Variants in CTNNBL1 observed in about 807,000 individuals in gnomAD.
The protein encoded by CTNNBL1 is beta-catenin-like protein 1.
In CTNNBL1, 31 loss-of-function variants were observed where a neutral mutation model predicts 72.7. The observed-to-expected ratio is 0.43, with a 90% CI of 0.32 to 0.58. CTNNBL1 has a LOEUF of 0.58. Among genes scored for constraint, CTNNBL1 ranks in the 20% least tolerant of loss-of-function variants. The pLI, the probability that CTNNBL1 is intolerant of heterozygous loss-of-function variation, is 0.08. For synonymous variants in CTNNBL1, 240 were observed against 267.3 expected (o/e 0.90, Z 1.00); for missense variants, 534 against 725.1 (o/e 0.74, Z 3.03).
At chr20:37,717,860 C>T (rs1230935178) in intron 1 of CTNNBL1, among the ~76,000 whole-genome samples, 1 of 152,124 alleles carries the variant, frequency 6.6e-6, no homozygotes, top group Non-Finnish European at 1.5e-5. Context: ...ACATCTTGCA[C>T]CGCCCTTAAT....
intron 4 of CTNNBL1, chr20:37,750,496 G>A (rs964287902): frequency 2.0e-5 from 3 of 152,112 alleles, no homozygotes; most frequent in Non-Finnish European, 4.4e-5. Flanking sequence ...CTTTTAGAGT[G>A]TTTCTATGGA....
At chr20:37,728,806 T>G (rs2073106288) in intron 1 of CTNNBL1, among the ~76,000 whole-genome samples, 1 of 151,878 alleles carries the variant, frequency 6.6e-6, no homozygotes, top group East Asian at 1.9e-4. Context: ...TGCCATAGAG[T>G]CATCATGAGG....
intron 3 of CTNNBL1, among the ~76,000 whole-genome samples, chr20:37,744,268 A>T (rs1464785496): frequency 2.0e-5 from 3 of 152,214 alleles, no homozygotes; most frequent in Non-Finnish European, 4.4e-5. Context: ...GGGTAAGGGG[A>T]AATAGGCACT....
At chr20:37,777,583 C>T in intron 8 of CTNNBL1, 71 bp from the exon 9 acceptor site, 1 of 1,462,342 alleles carries the variant, frequency 6.8e-7, no homozygotes, top group Non-Finnish European at 9.6e-7. Flanking sequence ...GCTGATGTAT[C>T]AGTGTTAGAC....
chr20:37,701,555 C>T (rs1035682365), intron 1 of CTNNBL1, among the ~76,000 whole-genome samples: 7 of 152,010 alleles, frequency 4.6e-5, no homozygotes, highest in Non-Finnish European at 8.8e-5. Flanking sequence ...GGGGATATAT[C>T]GATGGGGATG....
intron 4 of CTNNBL1, among the ~76,000 whole-genome samples, chr20:37,752,207 C>T (rs1433713510): frequency 6.6e-6 from 1 of 152,064 alleles, no homozygotes; most frequent in Non-Finnish European, 1.5e-5. Context: ...GCATGTTACT[C>T]CCCACTGGCA....
chr20:37,701,891 AC>A, intron 1 of CTNNBL1, among the ~76,000 whole-genome samples: 2 of 145,304 alleles, frequency 1.4e-5, no homozygotes, highest in Non-Finnish European at 3.0e-5. Flanking sequence ...AATACATCGT[AC>A]GCTCATCTCA....
intron 11 of CTNNBL1, among the ~76,000 whole-genome samples, chr20:37,829,440 G>A (rs190877509): frequency 4.9e-4 from 74 of 152,282 alleles, no homozygotes; most frequent in African/African-American, 1.6e-3. Context: ...TGGGCAGAGC[G>A]ACCAACCAGG....
intron 5 of CTNNBL1, among the ~76,000 whole-genome samples, chr20:37,764,565 T>C (rs182000047): frequency 1.3e-5 from 2 of 152,374 alleles, no homozygotes; most frequent in East Asian, 3.9e-4. Context: ...TGTTTCAACA[T>C]GTGTGACTCC....
intron 10 of CTNNBL1, among the ~76,000 whole-genome samples, chr20:37,787,554 C>T (rs1289156384): frequency 6.6e-6 from 1 of 152,170 alleles, no homozygotes; most frequent in East Asian, 1.9e-4. Flanking sequence ...CCGTTTTAGC[C>T]GGGATGGTCT....
intron 10 of CTNNBL1, among the ~76,000 whole-genome samples, chr20:37,779,617 C>T (rs1409862546): frequency 2.0e-5 from 3 of 152,110 alleles, no homozygotes; most frequent in Admixed American, 1.3e-4. Context: ...TTTTTCCTCT[C>T]CTTCCCATAG....
intron 1 of CTNNBL1, among the ~76,000 whole-genome samples, chr20:37,725,861 G>A (rs934970762): frequency 3.9e-5 from 6 of 152,014 alleles, no homozygotes; most frequent in African/African-American, 1.4e-4. Flanking sequence ...GCACGTGCCT[G>A]TAGTCCCAGC....
At chr20:37,694,254 C>T in intron 1 of CTNNBL1, 102 bp downstream of exon 1, 1 of 1,070,808 alleles carries the variant, frequency 9.3e-7, no homozygotes, top group Non-Finnish European at 1.3e-6. Flanking sequence ...CACTCCCGGG[C>T]CCTCTAACTT....
intron 1 of CTNNBL1, among the ~76,000 whole-genome samples, chr20:37,705,530 T>G (rs189066405): frequency 1.6e-4 from 25 of 152,280 alleles, no homozygotes; most frequent in Admixed American, 9.8e-4. Context: ...CCCTTGGAGA[T>G]TAAGGTTCAG....
At chr20:37,740,841 A>G (rs1056067530) in intron 3 of CTNNBL1, among the ~76,000 whole-genome samples, 17 of 152,206 alleles carry the variant, frequency 1.1e-4, no homozygotes, top group Admixed American at 2.6e-4. Context: ...TTTTGATCTT[A>G]TAATTCCCTG....
chr20:37,696,975 A>G (rs1360668533), intron 1 of CTNNBL1, among the ~76,000 whole-genome samples: 1 of 151,588 alleles, frequency 6.6e-6, no homozygotes, highest in African/African-American at 2.4e-5. Flanking sequence ...TGAGGTTGGG[A>G]GTTTGAGACC....
At chr20:37,835,406 G>C in intron 11 of CTNNBL1, among the ~76,000 whole-genome samples, 1 of 152,144 alleles carries the variant, frequency 6.6e-6, no homozygotes, top group South Asian at 2.1e-4. Context: ...AACCTCATTC[G>C]TAACAAGAAC....
intron 10 of CTNNBL1, among the ~76,000 whole-genome samples, chr20:37,786,727 C>T (rs907270759): frequency 1.6e-4 from 24 of 151,788 alleles, no homozygotes; most frequent in Non-Finnish European, 3.1e-4. Context: ...GTGAGTTAAA[C>T]GCTTAATGCT....
At chr20:37,771,269 C>T (rs2073520979) in intron 7 of CTNNBL1, among the ~76,000 whole-genome samples, 1 of 152,236 alleles carries the variant, frequency 6.6e-6, no homozygotes, top group Non-Finnish European at 1.5e-5. Flanking sequence ...CCTAGACCTA[C>T]CGTCTCAGTC....
Sources: allele counts gnomAD v4.1 joint callset (sites outside exome capture counted in the v4.1 genomes callset), GRCh38; gene constraint gnomAD v4.1.1; transcripts MANE v1.5; gene names NCBI Gene and HGNC (gene_info 2026-07-23, HGNC 2026-07-21).